FYN: variants seen among roughly 807,000 people sequenced by gnomAD.
FYN encodes the protein tyrosine-protein kinase Fyn.
Under a neutral mutation model 70.2 loss-of-function variants are expected in FYN, and 10 were observed. The observed-to-expected ratio is 0.14, with a 90% confidence interval of 0.09 to 0.24. FYN has a LOEUF of 0.24. Ranked by LOEUF, FYN falls within the 10% of genes least tolerant of loss-of-function variation. FYN has a pLI of 1.00. For missense variants in FYN, 319 were observed against 673.1 expected, an observed-to-expected ratio of 0.47 and a Z score of 5.82; for synonymous variants, 236 against 248.6, an observed-to-expected ratio of 0.95 and a Z score of 0.48.
intron 2 of FYN, among the ~76,000 whole-genome samples, chr6:111,841,355 T>C (rs1046470755): frequency 2.6e-5 from 4 of 151,976 alleles, no homozygotes; most frequent in African/African-American, 7.3e-5. Flanking sequence ...GAAGAGAAAA[T>C]GAAAGATGTG....
intron 2 of FYN, among the ~76,000 whole-genome samples, chr6:111,828,670 A>G (rs1772914259): frequency 6.6e-6 from 1 of 152,060 alleles, no homozygotes; most frequent in Non-Finnish European, 1.5e-5. Context: ...CACATTCTAT[A>G]TGATCCACTT....
chr6:111,734,480 C>A (rs1801616160), intron 3 of FYN, among the ~76,000 whole-genome samples: 1 of 152,152 alleles, frequency 6.6e-6, no homozygotes, highest in Admixed American at 6.5e-5. Context: ...CTATGTCCTC[C>A]ACTTTCCTTT....
chr6:111,791,620 G>T (rs915214991), intron 2 of FYN, among the ~76,000 whole-genome samples: 1 of 152,188 alleles, frequency 6.6e-6, no homozygotes, highest in African/African-American at 2.4e-5. Context: ...GCCAAGAAAG[G>T]AATGCCAAGG....
intron 3 of FYN, among the ~76,000 whole-genome samples, chr6:111,756,416 TA>T (rs150235080): frequency 3.8e-4 from 53 of 139,776 alleles, no homozygotes; most frequent in Admixed American, 3.3e-3. Context: ...GAAAAAAAAG[TA>T]AAAAAAAAAT....
At chr6:111,780,867 C>T (rs988841384) in intron 2 of FYN, among the ~76,000 whole-genome samples, 7 of 152,130 alleles carry the variant, frequency 4.6e-5, no homozygotes, top group African/African-American at 1.7e-4. Flanking sequence ...ATGAAATATA[C>T]CAGAAACTAT....
At chr6:111,783,784 C>A in intron 2 of FYN, among the ~76,000 whole-genome samples, 1 of 152,218 alleles carries the variant, frequency 6.6e-6, no homozygotes, top group Non-Finnish European at 1.5e-5. Context: ...GGCAGCACGC[C>A]CAGCTGGGAG....
intron 9 of FYN, among the ~76,000 whole-genome samples, chr6:111,698,630 T>G (rs564412829): frequency 6.6e-6 from 1 of 152,220 alleles, no homozygotes; most frequent in Non-Finnish European, 1.5e-5. Flanking sequence ...AAGCTGTAAC[T>G]GACCCAAAAG....
At chr6:111,800,261 C>T (rs1373464527) in intron 2 of FYN, among the ~76,000 whole-genome samples, 4 of 152,062 alleles carry the variant, frequency 2.6e-5, no homozygotes, top group African/African-American at 7.2e-5. Flanking sequence ...TAATAAGCAA[C>T]GTAAAATGCT....
intron 3 of FYN, among the ~76,000 whole-genome samples, chr6:111,723,873 C>T (rs1479856597): frequency 4.6e-5 from 7 of 152,126 alleles, no homozygotes; most frequent in African/African-American, 1.2e-4. Context: ...ATGATGCCAT[C>T]GTGAATGTGG....
chr6:111,749,795 T>TAAATATATGTTCA (rs895792628), intron 3 of FYN, among the ~76,000 whole-genome samples: 3 of 152,174 alleles, frequency 2.0e-5, no homozygotes, highest in Non-Finnish European at 4.4e-5. Context: ...ATATTTTAAA[T>TAAATATATGTTCA]AAATATATGT....
intron 2 of FYN, among the ~76,000 whole-genome samples, chr6:111,801,492 C>G (rs1424775900): frequency 6.6e-6 from 1 of 152,110 alleles, no homozygotes; most frequent in Non-Finnish European, 1.5e-5. Context: ...TATATATAGA[C>G]ATTTGTTGGC....
intron 3 of FYN, among the ~76,000 whole-genome samples, chr6:111,731,884 T>C (rs1261402101): frequency 6.6e-6 from 1 of 152,164 alleles, no homozygotes; most frequent in Non-Finnish European, 1.5e-5. Flanking sequence ...CGTGCGTGTC[T>C]CAGTAAAGTT....
chr6:111,816,787 C>T (rs1333697659), intron 2 of FYN, among the ~76,000 whole-genome samples: 3 of 152,154 alleles, frequency 2.0e-5, no homozygotes, highest in Non-Finnish European at 2.9e-5. Context: ...AGACAATTCT[C>T]TTAGGAACTT....
At chr6:111,722,279 T>C (rs1438977062) in intron 3 of FYN, among the ~76,000 whole-genome samples, 1 of 152,226 alleles carries the variant, frequency 6.6e-6, no homozygotes, top group East Asian at 1.9e-4. Flanking sequence ...TCCTAAATCA[T>C]TTGAGATTAA....
chr6:111,810,871 G>A (rs1772302746), intron 2 of FYN, among the ~76,000 whole-genome samples: 1 of 152,244 alleles, frequency 6.6e-6, no homozygotes, highest in African/African-American at 2.4e-5. Flanking sequence ...TATGTCAGCA[G>A]TCTTCACTTT....
intron 1 of FYN, among the ~76,000 whole-genome samples, chr6:111,849,303 C>A (rs1158282349): frequency 6.6e-6 from 1 of 152,198 alleles, no homozygotes; most frequent in Admixed American, 6.5e-5. Context: ...CTAGATCAGA[C>A]CAATCCTCCA....
intron 2 of FYN, among the ~76,000 whole-genome samples, chr6:111,837,910 G>A (rs774781936): frequency 2.6e-5 from 4 of 152,146 alleles, no homozygotes; most frequent in Non-Finnish European, 2.9e-5. Context: ...TATCCCTTCT[G>A]TTATCATCAC....
At chr6:111,770,993 G>T (rs761194241) in intron 3 of FYN, among the ~76,000 whole-genome samples, 1 of 152,086 alleles carries the variant, frequency 6.6e-6, no homozygotes, top group Non-Finnish European at 1.5e-5. Context: ...TGCTTCAGGC[G>T]GTTAAAGTGT....
intron 3 of FYN, among the ~76,000 whole-genome samples, chr6:111,764,927 GA>G (rs1803167604): frequency 6.6e-6 from 1 of 152,036 alleles, no homozygotes; most frequent in Non-Finnish European, 1.5e-5. Context: ...CTGGAGGCAG[GA>G]GGGTGCTCTG....
Sources: gnomAD v4.1 joint callset for allele counts (sites outside exome capture counted in the v4.1 genomes callset) on GRCh38, gnomAD v4.1.1 for gene constraint, MANE v1.5 for transcripts, NCBI Gene and HGNC (gene_info 2026-07-23, HGNC 2026-07-21) for gene names.